RSPH6A: variants seen among roughly 807,000 people sequenced by gnomAD.
RSPH6A encodes radial spoke head protein 6 homolog A.
RSPH6A carries 49 observed loss-of-function variants against 66.1 expected under a neutral mutation model. The observed-to-expected ratio is 0.74, with a 90% CI of 0.59 to 0.94. RSPH6A has a LOEUF of 0.94. RSPH6A is among the 40% of genes least tolerant of loss of function. RSPH6A has a pLI of 0.00. For missense variants in RSPH6A, 977 were observed against 948.3 expected (o/e 1.03, Z -0.40); for synonymous variants, 419 against 402.4 (o/e 1.04, Z -0.49).
rs139820459 is a variant in RSPH6A, at chr19:45,809,972, C to T, written c.888+631G>A. ...ATTTCCTAGAAGCATGTACAGGCCA[C>T]AAAAGCCCCCAGTTTTGCCCTTCCA... On this transcript the variant is annotated intron_variant, in intron 2 of 5. Coordinates refer to ENST00000221538, the MANE Select transcript of RSPH6A (RefSeq NM_030785.4). Among the ~76,000 whole-genome samples, 827 of 152,222 alleles carry T rather than the reference C, an allele frequency of 5.4e-3. 7 individuals are homozygous for T. Among genetic ancestry groups the T allele is most frequent in the African/African-American group, 0.019 (786 of 41,538 alleles).
In RSPH6A at chr19:45,804,559, A is replaced by G. The variant is rs1970515245; in HGVS notation, c.1346T>C (p.Ile449Thr). Residue 449 changes from isoleucine to threonine, a missense_variant, in exon 3 of 6, where the codon ATC (isoleucine) becomes ACC (threonine). Transcript: ENST00000221538. This position sits in a 1 kb window ranked among gnomAD's most constrained non-coding sequence, Gnocchi z 5.8. ...TRLPHVTPAQIVNARKIKKFF... is the reference protein window; with the variant it reads ...TRLPHVTPAQTVNARKIKKFF... Reference sequence around the variant, plus strand: ...CTTCTTGATCTTTCGGGCGTTCACGATCTGGGCTGGAGTGACGTGGGGCAG... The same window carrying G: ...CTTCTTGATCTTTCGGGCGTTCACGGTCTGGGCTGGAGTGACGTGGGGCAG... 4 of 1,614,098 alleles carry G rather than the reference A, an allele frequency of 2.5e-6. No homozygotes were observed. Among genetic ancestry groups the G allele is most frequent in the Middle Eastern group, 3.3e-4 (2 of 6,062 alleles).
chr19:45,801,503 G>C (rs925432936), intron 4 of RSPH6A, among the ~76,000 whole-genome samples: 1 of 152,182 alleles, frequency 6.6e-6, no homozygotes, highest in African/African-American at 2.4e-5. Flanking sequence ...GCTCCTGCCT[G>C]TAATCCCAGC....
chr19:45,802,908 C>T (rs1334030508), intron 3 of RSPH6A, among the ~76,000 whole-genome samples: 8 of 150,522 alleles, frequency 5.3e-5, no homozygotes, highest in Middle Eastern at 6.8e-3. Context: ...CCTGGGTTCA[C>T]GCCATTCTCC....
At chr19:45,808,162 C>T (rs56309034) in intron 2 of RSPH6A, among the ~76,000 whole-genome samples, 49,060 of 152,164 alleles carry the variant, frequency 0.32, 8,462 homozygotes, top group East Asian at 0.54. Context: ...CGCCATGGCT[C>T]ACGCCTGTAA....
intron 1 of RSPH6A, among the ~76,000 whole-genome samples, chr19:45,811,087 G>A (rs368610322): frequency 4.6e-5 from 7 of 152,194 alleles, no homozygotes; most frequent in Middle Eastern, 3.4e-3. Flanking sequence ...TCTGCCTCCC[G>A]GGTTCAAATA....
In RSPH6A at chr19:45,810,819, C is replaced by T; in HGVS notation, c.672G>A (p.Leu224=). 1 of 1,610,906 alleles carries T rather than the reference C, an allele frequency of 6.2e-7. No homozygotes were observed. Among genetic ancestry groups the T allele is most frequent in the Non-Finnish European group, 8.5e-7 (1 of 1,177,512 alleles). Residue 224 remains leucine (L), a synonymous_variant, in exon 2 of 6, where the codon CTG becomes CTA. Coordinates refer to ENST00000221538, the MANE Select transcript of RSPH6A (RefSeq NM_030785.4). The part of the protein sequence containing the change: ...DLSLYEHLVN[L]LTKILNQRPE... ...GCCGCTGGTTCAGGATCTTGGTCAG[C>T]AGATTCACCAGGTGCTCGTACCTGC...
In RSPH6A at chr19:45,795,767, C is replaced by G; in HGVS notation, c.*102G>C. On this transcript the variant is annotated 3_prime_UTR_variant, in exon 6 of 6. Transcript: ENST00000221538. ...TGCCTTCCTTTTCTATCCCTGCCCT[C>G]TGGGGACAGGAAGCACATAGTGAAA... 9.1e-7 allele frequency: 1 copy of G among 1,098,174 alleles called. No homozygotes were observed. Among genetic ancestry groups the G allele is most frequent in the Non-Finnish European group, 1.3e-6 (1 of 766,018 alleles). 68.0% of individuals were successfully genotyped at this position (1,098,174 alleles called of 1,614,324 possible).
At chr19:45,796,377 C>A (rs1262824203) in intron 5 of RSPH6A, among the ~76,000 whole-genome samples, 1 of 151,230 alleles carries the variant, frequency 6.6e-6, no homozygotes, top group African/African-American at 2.4e-5. Flanking sequence ...TGGTCTGGAA[C>A]TCCTGACCTC....
intron 2 of RSPH6A, 129 bp downstream of exon 2, chr19:45,810,474 C>G: frequency 1.1e-6 from 1 of 888,450 alleles, no homozygotes; most frequent in Non-Finnish European, 1.8e-6. Context: ...CCTGCCAAGA[C>G]TGAAGTTGTT....
Position 45,814,743 on chromosome 19 carries a change from G to A in RSPH6A, c.434C>T (p.Pro145Leu), listed in dbSNP as rs1970679984. 1.2e-6 allele frequency: 2 copies of A among 1,613,814 alleles called. No homozygotes were observed. The highest frequency in any genetic ancestry group is 1.7e-6 in the Non-Finnish European group (2 of 1,179,862). ...DPTFQEPPVNPLGQFNLYQTD... is the reference protein window; with the variant it reads ...DPTFQEPPVNLLGQFNLYQTD... ...CTGGTAGAGGTTGAACTGGCCCAAGGGGTTGACTGGGGGCTCCTGGAAGGT... is the reference window on the plus strand; with the variant it reads ...CTGGTAGAGGTTGAACTGGCCCAAGAGGTTGACTGGGGGCTCCTGGAAGGT... Residue 145 changes from proline to leucine, a missense_variant, in exon 1 of 6, where the codon CCC (proline) becomes CTC (leucine). Pro to Leu is a moderately conservative substitution (Grantham distance 98, BLOSUM62 -3). Coordinates refer to ENST00000221538, the MANE Select transcript of RSPH6A (RefSeq NM_030785.4).
intron 5 of RSPH6A, among the ~76,000 whole-genome samples, chr19:45,799,134 T>C (rs1363388811): frequency 6.6e-6 from 1 of 152,234 alleles, no homozygotes; most frequent in Non-Finnish European, 1.5e-5. Context: ...CGGCTGTGAT[T>C]CATACAGGAG....
intron 5 of RSPH6A, among the ~76,000 whole-genome samples, chr19:45,797,520 A>C (rs1431394954): frequency 6.6e-6 from 1 of 152,250 alleles, no homozygotes; most frequent in East Asian, 1.9e-4. Flanking sequence ...TTTATGTCCA[A>C]CATATCATGT....
Position 45,804,707 on chromosome 19 carries a change from C to T in RSPH6A, c.1198G>A (p.Val400Met), listed in dbSNP as rs746581511. The change falls in exon 3 of 6, where the codon GTG becomes ATG. Residue 400 changes from valine (V) to methionine (M), a missense_variant. Val to Met is a conservative substitution (Grantham distance 21). Transcript: ENST00000221538. The surrounding 1 kb of genome is among the most constrained non-coding windows in gnomAD (Gnocchi z 5.8). Reference sequence around the variant, plus strand: ...CATACGGACTTAGGGACGATGTCCACGGCCTTCTCCTCGTCCTCCTCGCCC... The same window carrying T: ...CATACGGACTTAGGGACGATGTCCATGGCCTTCTCCTCGTCCTCCTCGCCC... The part of the protein sequence containing the change: ...EEGEEDEEKA[V>M]DIVPKSVWKP... 8.3e-5 allele frequency: 134 copies of T among 1,613,792 alleles called. No individual in the cohort carries two copies. The highest frequency in any genetic ancestry group is 1.1e-4 in the Non-Finnish European group (130 of 1,179,972).
intron 2 of RSPH6A, among the ~76,000 whole-genome samples, chr19:45,809,529 T>C (rs923586680): frequency 4.0e-5 from 6 of 151,790 alleles, no homozygotes; most frequent in South Asian, 2.1e-4. Flanking sequence ...CTTGATCTCC[T>C]GACCTCGTGA....
chr19:45,814,955 G>A lies in RSPH6A; in HGVS notation c.222C>T (p.Val74=). Residue 74 remains valine (V), a synonymous_variant, in exon 1 of 6, where the codon GTC becomes GTT. Coordinates refer to ENST00000221538, the MANE Select transcript of RSPH6A (RefSeq NM_030785.4). ...SQQENLLMPQ[V]FQAEEARLGG... is the part of the protein sequence containing the mutation. ...CCAGCCGGGCTTCCTCAGCCTGGAA[G>A]ACCTGGGGCATCAGCAAGTTCTCCT... 1.2e-6 allele frequency: 2 copies of A among 1,614,074 alleles called. No individual in the cohort carries two copies. The highest frequency in any genetic ancestry group is 2.2e-5 in the East Asian group (1 of 44,874).
At chr19:45,800,415 TC>T in intron 5 of RSPH6A, 30 bp downstream of exon 5, 1 of 1,593,288 alleles carries the variant, frequency 6.3e-7, no homozygotes. Flanking sequence ...TGAGAGATTC[TC>T]CTGCTGGGAG....
intron 2 of RSPH6A, among the ~76,000 whole-genome samples, chr19:45,809,259 C>T (rs1285085073): frequency 1.3e-5 from 2 of 150,814 alleles, no homozygotes; most frequent in Non-Finnish European, 2.9e-5. Context: ...CCTCGGCCTC[C>T]CAAAGTGCTA....
At chr19:45,801,997 T>C (rs1230399085) in intron 4 of RSPH6A, 123 bp downstream of exon 4, 1 of 1,020,476 alleles carries the variant, frequency 9.8e-7, no homozygotes, top group African/African-American at 1.7e-5. Flanking sequence ...ATTTTTTAGC[T>C]GAGAGAGCCT....
intron 2 of RSPH6A, among the ~76,000 whole-genome samples, chr19:45,807,101 C>T (rs1376445173): frequency 2.6e-5 from 4 of 151,834 alleles, no homozygotes; most frequent in Admixed American, 1.3e-4. Flanking sequence ...ACCATGTTGG[C>T]CAGGCTGGTC....
Sources: allele counts gnomAD v4.1 joint callset (sites outside exome capture counted in the v4.1 genomes callset), GRCh38; gene constraint gnomAD v4.1.1; non-coding constraint Gnocchi (gnomAD v3.1); transcripts MANE v1.5; gene names NCBI Gene and HGNC (gene_info 2026-07-23, HGNC 2026-07-21).